Variants in NEBL observed in about 807,000 individuals in gnomAD.
The protein encoded by NEBL is LIM and SH3 protein 2.
Under a neutral mutation model 140.2 loss-of-function variants are expected in NEBL, and 122 were observed. The observed-to-expected ratio is 0.87, with a 90% CI of 0.75 to 1.01. The LOEUF is 1.01. Ranked by LOEUF, NEBL falls within the 50% of genes least tolerant of loss-of-function variation. The pLI is 0.00. For missense variants in NEBL, 1,365 were observed against 1,231.3 expected, an observed-to-expected ratio of 1.11 and a Z score of -1.62; for synonymous variants, 436 against 398.9, an observed-to-expected ratio of 1.09 and a Z score of -1.11.
chr10:21,258,240 A>T (rs1469769528), intron 1 of NEBL, among the ~76,000 whole-genome samples: 2 of 152,106 alleles, frequency 1.3e-5, no homozygotes, highest in African/African-American at 4.8e-5. Context: ...ATGAGCTATG[A>T]TTGCACCACT....
chr10:21,063,722 C>T (rs1788321768), intron 2 of NEBL, among the ~76,000 whole-genome samples: 1 of 151,972 alleles, frequency 6.6e-6, no homozygotes, highest in Admixed American at 6.6e-5. Context: ...GGTGAAACCC[C>T]AGTTCTACAA....
At chr10:21,144,679 A>T (rs1839807471) in intron 2 of NEBL, among the ~76,000 whole-genome samples, 1 of 152,096 alleles carries the variant, frequency 6.6e-6, no homozygotes, top group African/African-American at 2.4e-5. Flanking sequence ...ATGAGCCGAG[A>T]TCATGTCACT....
chr10:20,804,305 C>T (rs1353085694), intron 26 of NEBL: 4 of 152,072 alleles, frequency 2.6e-5, no homozygotes, highest in African/African-American at 9.7e-5. Context: ...AAAATATGTA[C>T]TCATTAGCGC....
intron 3 of NEBL, among the ~76,000 whole-genome samples, chr10:20,982,219 G>A (rs1837078662): frequency 6.6e-6 from 1 of 152,128 alleles, no homozygotes; most frequent in Non-Finnish European, 1.5e-5. Flanking sequence ...AGAAAATTCG[G>A]AAACATCGTC....
At chr10:21,059,366 G>A (rs1436975988) in intron 2 of NEBL, among the ~76,000 whole-genome samples, 1 of 152,136 alleles carries the variant, frequency 6.6e-6, no homozygotes, top group South Asian at 2.1e-4. Flanking sequence ...ATTAACAGAT[G>A]GACAATTAAC....
At chr10:20,826,568 C>A in intron 17 of NEBL, 29 bp from the exon 18 acceptor site, 1 of 1,531,964 alleles carries the variant, frequency 6.5e-7, no homozygotes, top group African/African-American at 1.4e-5. Context: ...AAAAGAATAA[C>A]TAAGCTTGTC....
intron 3 of NEBL, among the ~76,000 whole-genome samples, chr10:21,240,593 T>C (rs1472405282): frequency 6.6e-6 from 1 of 152,096 alleles, no homozygotes; most frequent in Non-Finnish European, 1.5e-5. Flanking sequence ...CACTCCAGCC[T>C]GGGCGACAGA....
chr10:20,860,576 A>AAAC (rs1564394554), intron 7 of NEBL, among the ~76,000 whole-genome samples: 2 of 149,986 alleles, frequency 1.3e-5, no homozygotes, highest in Admixed American at 6.6e-5. Context: ...AGAAAAAAAA[A>AAAC]AAAAAAAAAA....
upstream of NEBL, among the ~76,000 whole-genome samples, chr10:21,175,383 GATT>G (rs1326317254): frequency 6.6e-6 from 1 of 152,184 alleles, no homozygotes; most frequent in African/African-American, 2.4e-5. Flanking sequence ...AGTCAGCTAG[GATT>G]ATTATAAATT....
chr10:20,801,040 ACTT>A (rs1357436958), intron 26 of NEBL, among the ~76,000 whole-genome samples: 4 of 151,960 alleles, frequency 2.6e-5, no homozygotes, highest in Non-Finnish European at 4.4e-5. Context: ...CTAGTTCCAG[ACTT>A]CTTCTTCAGC....
chr10:21,072,852 G>A lies in NEBL; in HGVS notation c.165-52651C>T, dbSNP rs150020783. 4.9e-3 allele frequency among the ~76,000 whole-genome samples: 740 copies of A among 152,290 alleles called. 4 individuals are homozygous for A. The highest frequency in any genetic ancestry group is 0.017 in the African/African-American group (710 of 41,548). On this transcript the variant is annotated intron_variant, in intron 2 of 6. Transcript: ENST00000417816. ...CTAAAAATACAAAAGTTAGCCAGGCGTGGTGGCAGGCACCTGCAATCCTAG... is the reference window on the plus strand; with the variant it reads ...CTAAAAATACAAAAGTTAGCCAGGCATGGTGGCAGGCACCTGCAATCCTAG...
chr10:21,107,336 C>T (rs1241159901), intron 2 of NEBL, among the ~76,000 whole-genome samples: 1 of 152,026 alleles, frequency 6.6e-6, no homozygotes, highest in Non-Finnish European at 1.5e-5. Flanking sequence ...TTTTGAGATA[C>T]GTTCCATCAA....
At chr10:21,140,747 C>T (rs1220016417) in intron 2 of NEBL, among the ~76,000 whole-genome samples, 1 of 151,738 alleles carries the variant, frequency 6.6e-6, no homozygotes. Flanking sequence ...ACAATGGGAA[C>T]ACATGGACAC....
intron 3 of NEBL, among the ~76,000 whole-genome samples, chr10:20,967,195 T>C (rs1463097129): frequency 6.7e-6 from 1 of 149,626 alleles, no homozygotes; most frequent in Non-Finnish European, 1.5e-5. Context: ...AAAAAAAAAA[T>C]AGGAAACAAC....
rs188103643 is a variant in NEBL, at chr10:21,016,110, G to A, written c.249+4007C>T. Among the ~76,000 whole-genome samples the A allele has an allele frequency of 4.0e-4, 61 of 152,370 alleles. 1 individual carries two copies. In the South Asian group the frequency reaches 4.1e-3, roughly 10 times the overall value. On this transcript the variant is annotated intron_variant, in intron 3 of 6. Transcript: ENST00000417816. ...TAACCACTCTTCATGCTATTTCTTT[G>A]AAGCAGTTCATGCTGGGATGTGTGA...
intron 3 of NEBL, among the ~76,000 whole-genome samples, chr10:21,012,248 A>G (rs960685160): frequency 1.3e-5 from 2 of 151,782 alleles, no homozygotes; most frequent in African/African-American, 4.8e-5. Flanking sequence ...AGTGCCACTC[A>G]CTCTTCACTC....
rs1054836512 is a variant in NEBL, at chr10:20,890,263, C to T, written c.154-314G>A. 3.3e-5 allele frequency among the ~76,000 whole-genome samples: 5 copies of T among 152,284 alleles called. No individual in the cohort carries two copies. The East Asian group carries it at 5.8e-4, about 18-fold the overall frequency. On this transcript the variant is annotated intron_variant, in intron 2 of 27. Coordinates refer to ENST00000377122, the MANE Select transcript of NEBL (RefSeq NM_006393.3). The stretch of plus-strand genomic sequence containing the variant: ...TGCAATTAGCAAGCATGTGCCATCT[C>T]GCTCCTACAAGTGTCCTGGTGTTTT...
rs1554819362 is a variant in NEBL, at chr10:21,028,251, A to AGAAGAAGAAGAAGAAGAAGAAGAAGAAG, written c.165-8051_165-8050insCTTCTTCTTCTTCTTCTTCTTCTTCTTC. On this transcript the variant is annotated intron_variant, in intron 2 of 6. Transcript: ENST00000417816. ...CAAACATCTCAAAAAAAAAAAAAAAAAAAAAGAAGAAGAAGAAGAAGAAGA... is the reference window on the plus strand; with the variant it reads ...CAAACATCTCAAAAAAAAAAAAAAAAGAAGAAGAAGAAGAAGAAGAAGAAGAAGAAAAAGAAGAAGAAGAAGAAGAAGA... Among the ~76,000 whole-genome samples the AGAAGAAGAAGAAGAAGAAGAAGAAGAAG allele has an allele frequency of 9.4e-3, 346 of 36,786 alleles. 4 individuals carry two copies. The highest frequency in any genetic ancestry group is 0.044 in the Admixed American group (217 of 4,984). The allele number at this position is 36,786 out of a possible 152,430, so 24.1% of individuals were successfully genotyped here. A position where few individuals can be genotyped will look rare whatever the true frequency, so the allele number is the denominator to read the frequency against.
chr10:21,061,814 T>C (rs1478909680), intron 2 of NEBL, among the ~76,000 whole-genome samples: 1 of 152,176 alleles, frequency 6.6e-6, no homozygotes. Context: ...GGCAGGGGTT[T>C]CTCCCCTGCA....
Sources: allele counts gnomAD v4.1 joint callset (sites outside exome capture counted in the v4.1 genomes callset), GRCh38; gene constraint gnomAD v4.1.1; transcripts MANE v1.5; gene names NCBI Gene and HGNC (gene_info 2026-07-23, HGNC 2026-07-21).